AGMO: variants seen among roughly 807,000 people sequenced by gnomAD.
AGMO encodes the protein alkylglycerol monooxygenase.
In AGMO, 75 loss-of-function variants were observed where a neutral mutation model predicts 60.2. The ratio of observed to expected loss-of-function variants is 1.25; its 90% CI spans 1.03 to 1.51. AGMO has a LOEUF of 1.51. AGMO is among the 40% of genes most tolerant of loss of function. AGMO has a pLI of 0.00. For synonymous variants in AGMO, 261 were observed against 177.1 expected (o/e 1.47, Z -3.76); for missense variants, 763 against 525.5 (o/e 1.45, Z -4.42).
intron 12 of AGMO, among the ~76,000 whole-genome samples, chr7:15,237,247 A>G (rs1207863106): frequency 3.9e-5 from 6 of 152,126 alleles, no homozygotes; most frequent in African/African-American, 1.4e-4. Context: ...TGTGTTTACC[A>G]TGTTATATGT....
the AGMO span, among the ~76,000 whole-genome samples, chr7:15,123,629 A>G: frequency 1.3e-5 from 2 of 152,114 alleles, no homozygotes; most frequent in Non-Finnish European, 2.9e-5. Flanking sequence ...ATGAGTCTTC[A>G]AGACCTGCTA....
At chr7:15,443,165 AC>A (rs1012682416) in intron 3 of AGMO, among the ~76,000 whole-genome samples, 1 of 152,074 alleles carries the variant, frequency 6.6e-6, no homozygotes, top group Non-Finnish European at 1.5e-5. Context: ...GATACAGAAA[AC>A]CCTCTGTGCT....
chr7:15,366,963 C>G (rs1355402133), intron 10 of AGMO, among the ~76,000 whole-genome samples: 1 of 151,970 alleles, frequency 6.6e-6, no homozygotes, highest in Non-Finnish European at 1.5e-5. Flanking sequence ...ATGCTTTGTG[C>G]TCCAGAAGAA....
intron 12 of AGMO, among the ~76,000 whole-genome samples, chr7:15,211,774 CT>C (rs1648482786): frequency 6.6e-6 from 1 of 151,874 alleles, no homozygotes; most frequent in Non-Finnish European, 1.5e-5. Context: ...TTATACAGAT[CT>C]TTTTCAGGGG....
At chr7:15,384,167 G>C (rs1783816962) in intron 10 of AGMO, among the ~76,000 whole-genome samples, 3 of 152,106 alleles carry the variant, frequency 2.0e-5, no homozygotes, top group South Asian at 4.1e-4. Context: ...TCGATCTCCT[G>C]ACCTCGTGAT....
chr7:15,245,141 T>A (rs757351752), intron 12 of AGMO, among the ~76,000 whole-genome samples: 1 of 152,204 alleles, frequency 6.6e-6, no homozygotes, highest in African/African-American at 2.4e-5. Flanking sequence ...AGTACCCTAG[T>A]AGATTAGGGT....
chr7:15,211,747 G>A (rs1045390670), intron 12 of AGMO, among the ~76,000 whole-genome samples: 2 of 151,848 alleles, frequency 1.3e-5, no homozygotes, highest in African/African-American at 4.8e-5. Flanking sequence ...ATAAAACTAT[G>A]TCCAAAATAA....
At chr7:15,309,256 C>T (rs1256336975) in intron 12 of AGMO, among the ~76,000 whole-genome samples, 1 of 152,106 alleles carries the variant, frequency 6.6e-6, no homozygotes, top group Non-Finnish European at 1.5e-5. Context: ...GTTTTACAGA[C>T]AGGCAAGCTG....
intron 2 of AGMO, among the ~76,000 whole-genome samples, chr7:15,554,337 G>A (rs114949489): frequency 0.015 from 2,260 of 152,082 alleles, 58 homozygotes; most frequent in African/African-American, 0.053. Flanking sequence ...TTTATCACAT[G>A]AAGATGGAAT....
rs1782938398 is a variant in AGMO at position 15,365,509 on chromosome 7, C to G, written c.1263+5G>C. ...ATCCTGTGGCTACCTAAACAAATGT[C>G]TTACCTCAAAAGCAGATGACAATGA... On this transcript the variant is annotated splice_donor_5th_base_variant and intron_variant, in intron 12 of 12. Transcript: ENST00000342526. The G allele has an allele frequency of 6.2e-7, 1 of 1,602,204 alleles. No homozygotes were observed. The highest frequency in any genetic ancestry group is 1.1e-5 in the South Asian group (1 of 90,572).
At chr7:15,131,997 A>C in the AGMO span, among the ~76,000 whole-genome samples, 2 of 152,104 alleles carry the variant, frequency 1.3e-5, no homozygotes, top group African/African-American at 2.4e-5. Context: ...CAATTGTCCA[A>C]ATCTTATCAG....
chr7:15,368,589 T>G (rs1783077496), intron 10 of AGMO, among the ~76,000 whole-genome samples: 1 of 152,166 alleles, frequency 6.6e-6, no homozygotes, highest in Non-Finnish European at 1.5e-5. Flanking sequence ...GCAAGGACTG[T>G]AATCTTATTA....
intron 12 of AGMO, among the ~76,000 whole-genome samples, chr7:15,363,350 G>A (rs986660267): frequency 9.9e-5 from 15 of 152,138 alleles, no homozygotes; most frequent in Admixed American, 6.5e-4. Context: ...AGTAACAACA[G>A]TGCCTAACTT....
At chr7:15,470,701 A>AT (rs1015639837) in intron 3 of AGMO, among the ~76,000 whole-genome samples, 13 of 151,818 alleles carry the variant, frequency 8.6e-5, no homozygotes, top group African/African-American at 2.7e-4. Context: ...CTTATTATCT[A>AT]TTTTTTAATT....
At chr7:15,219,481 GA>G (rs1388237723) in intron 12 of AGMO, among the ~76,000 whole-genome samples, 1 of 151,118 alleles carries the variant, frequency 6.6e-6, no homozygotes, top group African/African-American at 2.5e-5. Flanking sequence ...ATCCAGGAAG[GA>G]AAAAAAGACA....
chr7:15,213,362 G>A (rs138288502), intron 12 of AGMO, among the ~76,000 whole-genome samples: 86 of 151,718 alleles, frequency 5.7e-4, no homozygotes, highest in African/African-American at 2.0e-3. Flanking sequence ...TGTTCAATGC[G>A]AGGGTAGAAA....
intron 3 of AGMO, among the ~76,000 whole-genome samples, chr7:15,474,857 A>G (rs1782551350): frequency 6.6e-6 from 1 of 152,080 alleles, no homozygotes; most frequent in Non-Finnish European, 1.5e-5. Flanking sequence ...ACATAAAAAA[A>G]ACAACCCCAT....
At chr7:15,556,911 A>T (rs1785158833) in intron 2 of AGMO, among the ~76,000 whole-genome samples, 1 of 152,026 alleles carries the variant, frequency 6.6e-6, no homozygotes, top group East Asian at 1.9e-4. Flanking sequence ...GAAGAGCAAA[A>T]CAGATGTAAG....
chr7:15,343,462 G>C (rs1297654357), intron 12 of AGMO, among the ~76,000 whole-genome samples: 2 of 152,120 alleles, frequency 1.3e-5, no homozygotes, highest in African/African-American at 4.8e-5. Context: ...TAGAATGAAA[G>C]GGGCTGGAGA....
Sources: gnomAD v4.1 joint callset for allele counts (sites outside exome capture counted in the v4.1 genomes callset) on GRCh38, gnomAD v4.1.1 for gene constraint, MANE v1.5 for transcripts, NCBI Gene and HGNC (gene_info 2026-07-23, HGNC 2026-07-21) for gene names.